NKAIN2: variants seen among roughly 807,000 people sequenced by gnomAD.
The protein encoded by NKAIN2 is sodium/potassium-transporting ATPase subunit beta-1-interacting protein 2.
Under a neutral mutation model 32.6 loss-of-function variants are expected in NKAIN2, and 14 were observed. That is an observed-to-expected ratio of 0.43 (90% confidence interval 0.28 to 0.67). The LOEUF (loss-of-function observed/expected upper bound fraction) is 0.67. Among genes scored for constraint, NKAIN2 ranks in the 30% least tolerant of loss-of-function variants. The pLI, the probability that NKAIN2 is intolerant of heterozygous loss-of-function variation, is 0.17. For missense variants in NKAIN2, 198 were observed against 258.3 expected, an observed-to-expected ratio of 0.77 and a Z score of 1.60; for synonymous variants, 80 against 87.2, an observed-to-expected ratio of 0.92 and a Z score of 0.46.
At chr6:124,048,318 A>G (rs1782239835) in intron 1 of NKAIN2, among the ~76,000 whole-genome samples, 1 of 152,050 alleles carries the variant, frequency 6.6e-6, no homozygotes. Flanking sequence ...GAGTTACAGC[A>G]CTGAAGTAAT....
At chr6:124,458,840 T>G (rs774123041) in intron 3 of NKAIN2, among the ~76,000 whole-genome samples, 3 of 151,658 alleles carry the variant, frequency 2.0e-5, no homozygotes, top group Non-Finnish European at 4.4e-5. Context: ...ACTAGGAGCG[T>G]GTTTTGAATT....
At chr6:124,233,608 C>A (rs1792578171) in intron 1 of NKAIN2, among the ~76,000 whole-genome samples, 1 of 152,192 alleles carries the variant, frequency 6.6e-6, no homozygotes, top group Non-Finnish European at 1.5e-5. Context: ...AATGTGCCCA[C>A]ATAAGGCATC....
intron 1 of NKAIN2, among the ~76,000 whole-genome samples, chr6:124,064,087 A>ACTAC (rs1783044771): frequency 6.6e-6 from 1 of 151,878 alleles, no homozygotes; most frequent in Non-Finnish European, 1.5e-5. Flanking sequence ...AGTAGCTGGG[A>ACTAC]CTACAGGTGC....
intron 3 of NKAIN2, among the ~76,000 whole-genome samples, chr6:124,587,215 A>C (rs1303596149): frequency 6.6e-6 from 1 of 152,130 alleles, no homozygotes; most frequent in Admixed American, 6.5e-5. Flanking sequence ...GGAGGGGTAA[A>C]GTAGAGGTAG....
At chr6:124,538,482 T>C (rs1464035683) in intron 3 of NKAIN2, among the ~76,000 whole-genome samples, 1 of 152,138 alleles carries the variant, frequency 6.6e-6, no homozygotes, top group Non-Finnish European at 1.5e-5. Flanking sequence ...TTTATTTATG[T>C]TTGTTTGCTT....
At chr6:124,064,411 TG>T (rs1200564590) in intron 1 of NKAIN2, among the ~76,000 whole-genome samples, 1 of 152,162 alleles carries the variant, frequency 6.6e-6, no homozygotes, top group African/African-American at 2.4e-5. Context: ...CCTTGTATTC[TG>T]GCTGGCAAGT....
At chr6:124,800,526 C>T (rs1488905228) in intron 5 of NKAIN2, among the ~76,000 whole-genome samples, 4 of 152,074 alleles carry the variant, frequency 2.6e-5, no homozygotes, top group Non-Finnish European at 5.9e-5. Flanking sequence ...ACAGGAGGTG[C>T]GGTTTGTTTA....
At chr6:124,815,417 G>A (rs1288183517) in intron 5 of NKAIN2, among the ~76,000 whole-genome samples, 5 of 151,546 alleles carry the variant, frequency 3.3e-5, no homozygotes, top group Admixed American at 6.6e-5. Context: ...TTACAGACAC[G>A]CACCACCATG....
chr6:124,192,756 T>G (rs1040479184), intron 1 of NKAIN2, among the ~76,000 whole-genome samples: 11 of 139,678 alleles, frequency 7.9e-5, no homozygotes, highest in Non-Finnish European at 1.4e-4. Flanking sequence ...TTTTTTTTTT[T>G]TTTTTTTTTT....
chr6:124,177,257 C>G (rs1789203742), intron 1 of NKAIN2, among the ~76,000 whole-genome samples: 1 of 152,106 alleles, frequency 6.6e-6, no homozygotes, highest in African/African-American at 2.4e-5. Flanking sequence ...GTAGTCCAAA[C>G]AATTAGAAAT....
intron 4 of NKAIN2, among the ~76,000 whole-genome samples, chr6:124,743,792 T>C (rs1777333929): frequency 1.3e-5 from 2 of 151,974 alleles, no homozygotes; most frequent in East Asian, 3.9e-4. Context: ...GGTTTACTAT[T>C]TGCTATTCAC....
At position 124,599,037 on chromosome 6, in the gene NKAIN2, C is replaced by G. The variant is rs1047807433; in HGVS notation, c.274-59149C>G. Among the ~76,000 whole-genome samples, 4 of 133,894 alleles carry G rather than the reference C, an allele frequency of 3.0e-5. No homozygotes were observed. The East Asian group carries it at 6.4e-4, about 22-fold the overall frequency. The allele number at this position is 133,894 out of a possible 152,430, so 87.8% of individuals were successfully genotyped here. A position where few individuals can be genotyped will look rare whatever the true frequency, so the allele number is the denominator to read the frequency against. On this transcript the variant is annotated intron_variant, in intron 3 of 6. Coordinates refer to ENST00000368417, the MANE Select transcript of NKAIN2 (RefSeq NM_001040214.3). ...CAAATCTATTTTTTTTTTTTTTTGC[C>G]ATACAACCTGATTTCCCACTGTAGT...
At chr6:124,499,869 G>T (rs1191384719) in intron 3 of NKAIN2, among the ~76,000 whole-genome samples, 1 of 152,142 alleles carries the variant, frequency 6.6e-6, no homozygotes, top group African/African-American at 2.4e-5. Context: ...CTTGGAGTTG[G>T]ACAGGAAAAA....
chr6:124,693,534 T>G (rs965663016), intron 4 of NKAIN2, among the ~76,000 whole-genome samples: 1 of 152,148 alleles, frequency 6.6e-6, no homozygotes, highest in South Asian at 2.1e-4. Context: ...GGTAGTGTTA[T>G]CGAAAAAAGC....
chr6:124,322,808 A>AT (rs1198901435), intron 2 of NKAIN2, among the ~76,000 whole-genome samples: 4 of 152,180 alleles, frequency 2.6e-5, no homozygotes, highest in Middle Eastern at 3.2e-3. Flanking sequence ...TATGGTCAGT[A>AT]GGCTTTTCTT....
At chr6:124,017,011 A>G (rs1218467384) in intron 1 of NKAIN2, among the ~76,000 whole-genome samples, 1 of 152,210 alleles carries the variant, frequency 6.6e-6, no homozygotes, top group East Asian at 1.9e-4. Context: ...TCACATGGCT[A>G]GTAAAAACAT....
chr6:124,053,028 AGTT>A (rs1008418114), intron 1 of NKAIN2, among the ~76,000 whole-genome samples: 1 of 152,026 alleles, frequency 6.6e-6, no homozygotes, highest in Non-Finnish European at 1.5e-5. Context: ...GGGAGGAAGA[AGTT>A]AAATGGCTAA....
chr6:124,002,457 T>TC (rs1222001788), intron 1 of NKAIN2, among the ~76,000 whole-genome samples: 1 of 152,066 alleles, frequency 6.6e-6, no homozygotes, highest in East Asian at 1.9e-4. Flanking sequence ...CCCTTTTTTT[T>TC]TCCCCCTTAC....
chr6:124,025,310 CAGT>C (rs1781054248), intron 1 of NKAIN2, among the ~76,000 whole-genome samples: 2 of 152,136 alleles, frequency 1.3e-5, no homozygotes, highest in African/African-American at 4.8e-5. Context: ...CTGAGACATG[CAGT>C]AGGAGATCGG....
Sources: gnomAD v4.1 joint callset for allele counts (sites outside exome capture counted in the v4.1 genomes callset) on GRCh38, gnomAD v4.1.1 for gene constraint, MANE v1.5 for transcripts, NCBI Gene and HGNC (gene_info 2026-07-23, HGNC 2026-07-21) for gene names.